CKAP2L: variants seen among roughly 807,000 people sequenced by gnomAD.
CKAP2L encodes cytoskeleton associated protein 2L, also known as cytoskeleton-associated protein 2-like.
CKAP2L carries 42 observed loss-of-function variants against 65.7 expected under a neutral mutation model. That is an observed-to-expected ratio of 0.64 (90% CI 0.50 to 0.83). The LOEUF (loss-of-function observed/expected upper bound fraction) is 0.83, where lower values mean the gene tolerates loss of function less well. Among genes scored for constraint, CKAP2L ranks in the 40% least tolerant of loss-of-function variants. CKAP2L has a pLI of 0.00. For synonymous variants in CKAP2L, 325 were observed against 313.5 expected, an observed-to-expected ratio of 1.04 and a Z score of -0.39; for missense variants, 908 against 871.0, an observed-to-expected ratio of 1.04 and a Z score of -0.53.
At chr2:112,748,585 C>T (rs925303404) in intron 5 of CKAP2L, among the ~76,000 whole-genome samples, 2 of 152,162 alleles carry the variant, frequency 1.3e-5, no homozygotes, top group African/African-American at 4.8e-5. Flanking sequence ...AGGCCAGGTG[C>T]AGTGGGTGGT....
In CKAP2L at chr2:112,756,653, T is replaced by C; in HGVS notation, c.718A>G (p.Arg240Gly). 6.2e-7 allele frequency: 1 copy of C among 1,607,296 alleles called. No homozygotes were observed. The highest frequency in any genetic ancestry group is 2.2e-5 in the East Asian group (1 of 44,870). Reference sequence around the variant, plus strand: ...TCTCCAACAAATTGTTTATTAACCCTATCTTTCAGAACAGCACTATTAACT... The same window carrying C: ...TCTCCAACAAATTGTTTATTAACCCCATCTTTCAGAACAGCACTATTAACT... ...SSVNSAVLKDRVNKQFVGETQ... is the reference protein window; with the variant it reads ...SSVNSAVLKDGVNKQFVGETQ... The change falls in exon 4 of 9, where the codon AGG becomes GGG. Residue 240 changes from arginine to glycine, a missense_variant. Arg to Gly is a moderately radical substitution (Grantham distance 125). Transcript: ENST00000302450.
At chr2:112,755,073 A>C (rs943888212) in intron 4 of CKAP2L, among the ~76,000 whole-genome samples, 7 of 152,050 alleles carry the variant, frequency 4.6e-5, no homozygotes, top group Non-Finnish European at 8.8e-5. Context: ...ACCTTGCTTC[A>C]CCCTGCTACA....
rs566802296 is a variant in CKAP2L at position 112,744,566 on chromosome 2, G to A, written c.1759-1797C>T. On this transcript the variant is annotated intron_variant, in intron 6 of 8. Transcript: ENST00000302450. Reference sequence around the variant, plus strand: ...TCTGCAAGTCTCTGAGGGATATCATGCAAGATTAGGATAGGGTGCTTTCTG... The same window carrying A: ...TCTGCAAGTCTCTGAGGGATATCATACAAGATTAGGATAGGGTGCTTTCTG... Among the ~76,000 whole-genome samples the A allele has an allele frequency of 7.9e-5, 12 of 152,300 alleles. No individual in the cohort carries two copies. The South Asian group carries it at 2.5e-3, about 32-fold the overall frequency.
At chr2:112,755,513 T>C (rs966699173) in intron 4 of CKAP2L, among the ~76,000 whole-genome samples, 3 of 152,090 alleles carry the variant, frequency 2.0e-5, no homozygotes, top group Non-Finnish European at 4.4e-5. Context: ...TGGCCAAAAC[T>C]TGGCCCACTC....
intron 5 of CKAP2L, among the ~76,000 whole-genome samples, chr2:112,747,943 A>G (rs1391069458): frequency 1.3e-5 from 2 of 152,388 alleles, no homozygotes; most frequent in East Asian, 3.9e-4. Context: ...GAACAACTGC[A>G]TGGACAGCGC....
chr2:112,758,876 C>G (rs1680626287), intron 3 of CKAP2L, among the ~76,000 whole-genome samples: 1 of 152,110 alleles, frequency 6.6e-6, no homozygotes, highest in South Asian at 2.1e-4. Flanking sequence ...ACTTGGTTTA[C>G]TTGTTGGCAG....
intron 4 of CKAP2L, among the ~76,000 whole-genome samples, chr2:112,754,808 T>C (rs1680481778): frequency 6.6e-6 from 1 of 152,212 alleles, no homozygotes; most frequent in Non-Finnish European, 1.5e-5. Flanking sequence ...GACTTCCTTA[T>C]TCACCACCTC....
chr2:112,763,406 C>G (rs941209922), intron 1 of CKAP2L, among the ~76,000 whole-genome samples: 3 of 151,972 alleles, frequency 2.0e-5, no homozygotes, highest in African/African-American at 7.3e-5. Context: ...GGATAAAATA[C>G]GCCCGGTCTG....
At chr2:112,751,269 A>G (rs1680364277) in intron 5 of CKAP2L, among the ~76,000 whole-genome samples, 2 of 152,234 alleles carry the variant, frequency 1.3e-5, no homozygotes, top group Admixed American at 1.3e-4. Context: ...AAACACAAGA[A>G]AAGACAACCA....
intron 7 of CKAP2L, 87 bp from the exon 8 acceptor site, chr2:112,741,094 C>CAATG (rs1679917980): frequency 1.2e-6 from 1 of 848,358 alleles, no homozygotes; most frequent in Non-Finnish European, 1.9e-6. Context: ...TACATACATA[C>CAATG]AATGATTTCC....
chr2:112,745,371 A>T (rs1200112634), intron 6 of CKAP2L, among the ~76,000 whole-genome samples: 2 of 152,140 alleles, frequency 1.3e-5, no homozygotes, highest in Non-Finnish European at 2.9e-5. Context: ...TGCATGGCTC[A>T]ACATATTCAT....
chr2:112,740,508 T>G (rs1679849605), intron 8 of CKAP2L, among the ~76,000 whole-genome samples: 1 of 152,330 alleles, frequency 6.6e-6, no homozygotes, highest in East Asian at 1.9e-4. Flanking sequence ...CACTGTCCCT[T>G]TTCTCCCACA....
intron 5 of CKAP2L, among the ~76,000 whole-genome samples, chr2:112,751,892 C>G (rs1223273589): frequency 6.6e-6 from 1 of 152,170 alleles, no homozygotes; most frequent in Non-Finnish European, 1.5e-5. Flanking sequence ...AGAAACTTGC[C>G]TTCTGACCTC....
chr2:112,747,862 A>C (rs951028928), intron 5 of CKAP2L, among the ~76,000 whole-genome samples: 1 of 152,248 alleles, frequency 6.6e-6, no homozygotes, highest in African/African-American at 2.4e-5. Flanking sequence ...ATATCTTCAG[A>C]GTGATAAGAG....
At chr2:112,747,246 G>A (rs189412788) in intron 5 of CKAP2L, among the ~76,000 whole-genome samples, 58 of 152,158 alleles carry the variant, frequency 3.8e-4, no homozygotes, top group Non-Finnish European at 6.8e-4. Context: ...ATGAGCCACT[G>A]AGCCTGGCTT....
At chr2:112,751,247 T>A (rs772569529) in intron 5 of CKAP2L, among the ~76,000 whole-genome samples, 1 of 152,178 alleles carries the variant, frequency 6.6e-6, no homozygotes, top group South Asian at 2.1e-4. Context: ...CAGCATAACA[T>A]TGGTACTAGG....
intron 5 of CKAP2L, 59 bp from the exon 6 acceptor site, chr2:112,746,634 C>G: frequency 7.8e-7 from 1 of 1,286,316 alleles, no homozygotes; most frequent in Non-Finnish European, 1.1e-6. Context: ...AGTCTCACAT[C>G]TCCTAATATT....
In CKAP2L at chr2:112,737,227, C is replaced by A. The variant is rs1679327688; in HGVS notation, c.*1596G>T. 1 of 152,116 alleles carries A rather than the reference C, an allele frequency of 6.6e-6. No individual in the cohort carries two copies. The highest frequency in any genetic ancestry group is 2.1e-4 in the South Asian group (1 of 4,830). The allele number at this position is 152,116 out of a possible 1,614,324, so 9.4% of individuals were successfully genotyped here. A position where few individuals can be genotyped will look rare whatever the true frequency, so the allele number is the denominator to read the frequency against. ...AGTCACTGCGCCCAGCTGGTGATTT[C>A]ATCTTCTTTGGGTACATACTTACTC... is the stretch of plus-strand genomic sequence containing the variant. On this transcript the variant is annotated 3_prime_UTR_variant, in exon 9 of 9. Coordinates refer to ENST00000302450, the MANE Select transcript of CKAP2L (RefSeq NM_152515.5).
chr2:112,746,444 T>C lies in CKAP2L; in HGVS notation c.1734A>G (p.Glu578=). 1 of 1,612,088 alleles carries C rather than the reference T, an allele frequency of 6.2e-7. No homozygotes were observed. The highest frequency in any genetic ancestry group is 2.2e-5 in the East Asian group (1 of 44,822). ...CTGTTGCCCCATTTTTAATGGCCTC[T>C]TCATATAGCCCAATAACATCAAAGG... ...KGTFDVIGLY[E]EAIKNGATPI... Residue 578 remains glutamate (E), a synonymous_variant, in exon 6 of 9, where the codon GAA becomes GAG. Coordinates refer to ENST00000302450, the MANE Select transcript of CKAP2L (RefSeq NM_152515.5).
Sources: allele counts gnomAD v4.1 joint callset (sites outside exome capture counted in the v4.1 genomes callset), GRCh38; gene constraint gnomAD v4.1.1; transcripts MANE v1.5; gene names NCBI Gene and HGNC (gene_info 2026-07-23, HGNC 2026-07-21).